Variants in IPCEF1 observed in about 807,000 individuals in gnomAD.
IPCEF1 encodes interactor protein for cytohesin exchange factors 1.
In IPCEF1, 31 loss-of-function variants were observed where a neutral mutation model predicts 50.9. That is an observed-to-expected ratio of 0.61 (90% CI 0.46 to 0.82). The LOEUF is 0.82. IPCEF1 is among the 40% of genes least tolerant of loss of function. The pLI is 0.00. For missense variants in IPCEF1, 458 were observed against 514.0 expected (o/e 0.89, Z 1.05); for synonymous variants, 181 against 192.0 (o/e 0.94, Z 0.47).
chr6:154,260,142 C>T (rs1362633069), intron 3 of IPCEF1, among the ~76,000 whole-genome samples: 1 of 152,134 alleles, frequency 6.6e-6, no homozygotes, highest in Non-Finnish European at 1.5e-5. Flanking sequence ...GTGAAGTAAA[C>T]ACAGCAAGTA....
intron 10 of IPCEF1, among the ~76,000 whole-genome samples, chr6:154,184,754 C>T (rs7767434): frequency 0.55 from 82,484 of 149,764 alleles, 23,770 homozygotes; most frequent in African/African-American, 0.73. Flanking sequence ...TAAAGGAAAT[C>T]TTTATTTTTT....
At chr6:154,328,442 G>C (rs555842003) in intron 1 of IPCEF1, among the ~76,000 whole-genome samples, 2 of 152,000 alleles carry the variant, frequency 1.3e-5, no homozygotes, top group Admixed American at 1.3e-4. Flanking sequence ...GCAGCCCTAA[G>C]AAGTTCTTCA....
intron 1 of IPCEF1, among the ~76,000 whole-genome samples, chr6:154,348,572 G>A (rs954046599): frequency 6.6e-6 from 1 of 152,186 alleles, no homozygotes; most frequent in African/African-American, 2.4e-5. Flanking sequence ...TCGTAAGTGG[G>A]TCCTTATCAT....
At chr6:154,172,723 G>T (rs552341553) in intron 10 of IPCEF1, among the ~76,000 whole-genome samples, 1 of 152,362 alleles carries the variant, frequency 6.6e-6, no homozygotes, top group Admixed American at 6.5e-5. Flanking sequence ...TCCACCTCTG[G>T]GGGCAGGGCA....
At chr6:154,275,167 A>T (rs1782024224) in intron 2 of IPCEF1, among the ~76,000 whole-genome samples, 1 of 152,204 alleles carries the variant, frequency 6.6e-6, no homozygotes, top group Non-Finnish European at 1.5e-5. Flanking sequence ...TCTAGGAGCC[A>T]GTTACTCTAA....
At chr6:154,178,518 C>A (rs1800552792) in intron 10 of IPCEF1, among the ~76,000 whole-genome samples, 1 of 152,144 alleles carries the variant, frequency 6.6e-6, no homozygotes, top group Middle Eastern at 3.4e-3. Context: ...TCTTCCATTT[C>A]TTTTTCTAAC....
rs74626934 is a variant in IPCEF1 at position 154,187,562 on chromosome 6, T to A, written c.910+12106A>T. 3.9e-3 allele frequency among the ~76,000 whole-genome samples: 593 copies of A among 152,328 alleles called. 6 individuals carry two copies. Among genetic ancestry groups the A allele is most frequent in the African/African-American group, 0.012 (514 of 41,548 alleles). On this transcript the variant is annotated intron_variant, in intron 10 of 11. Transcript: ENST00000367220. ...CATTAGGTGGGTGACCTGTACTACC[T>A]CACCAGTAGTTATTGAAAAACATGT...
rs907297711 is a variant in IPCEF1, at chr6:154,313,875, C to G, written c.-61-24119G>C. ...CCTCCCTTCTCAGCCTCCCAAGTAGCTGAGACTACAGGTGTGTGCCACCAC... is the reference window on the plus strand; with the variant it reads ...CCTCCCTTCTCAGCCTCCCAAGTAGGTGAGACTACAGGTGTGTGCCACCAC... On this transcript the variant is annotated intron_variant, in intron 1 of 11. Transcript: ENST00000367220. Among the ~76,000 whole-genome samples the G allele has an allele frequency of 2.0e-5, 3 of 152,078 alleles. No individual in the cohort carries two copies. In the South Asian group the frequency reaches 6.2e-4, roughly 32 times the overall value.
chr6:154,261,244 C>T lies in IPCEF1; in HGVS notation c.36+4668G>A, dbSNP rs141587100. The stretch of plus-strand genomic sequence containing the variant: ...TCTCCCTATGTTGCCCAGGGCTGGT[C>T]TCGAACTCCTGGCCTCAAGTGATCT... On this transcript the variant is annotated intron_variant, in intron 3 of 11. Transcript: ENST00000367220. 9.0e-3 allele frequency among the ~76,000 whole-genome samples: 1,376 copies of T among 152,136 alleles called. 9 individuals carry two copies. The highest frequency in any genetic ancestry group is 0.015 in the Non-Finnish European group (998 of 67,984).
intron 10 of IPCEF1, among the ~76,000 whole-genome samples, chr6:154,172,651 C>T (rs1470039555): frequency 6.6e-6 from 1 of 152,226 alleles, no homozygotes; most frequent in Admixed American, 6.5e-5. Flanking sequence ...AACAAAGCAG[C>T]AGGGAAGCTC....
At chr6:154,343,944 G>A (rs1265368069) in intron 1 of IPCEF1, among the ~76,000 whole-genome samples, 2 of 152,142 alleles carry the variant, frequency 1.3e-5, no homozygotes, top group African/African-American at 2.4e-5. Flanking sequence ...ATATCCCCAC[G>A]TGTGTAGAAC....
chr6:154,296,008 A>G (rs1475439652), intron 1 of IPCEF1, among the ~76,000 whole-genome samples: 1 of 152,222 alleles, frequency 6.6e-6, no homozygotes, highest in Non-Finnish European at 1.5e-5. Context: ...GACACTGTTC[A>G]AAATATTAGT....
chr6:154,169,818 G>A (rs548008532), intron 10 of IPCEF1, among the ~76,000 whole-genome samples: 6 of 152,318 alleles, frequency 3.9e-5, no homozygotes, highest in African/African-American at 1.2e-4. Flanking sequence ...ATAAACATGT[G>A]CCTCTGGTCA....
chr6:154,345,366 ATCTT>A (rs1421675651), intron 1 of IPCEF1, among the ~76,000 whole-genome samples: 1 of 152,258 alleles, frequency 6.6e-6, no homozygotes, highest in African/African-American at 2.4e-5. Flanking sequence ...TTAAGACATT[ATCTT>A]TCTTACAGTC....
intron 10 of IPCEF1, among the ~76,000 whole-genome samples, chr6:154,186,696 A>G (rs9371332): frequency 0.055 from 8,421 of 151,984 alleles, 338 homozygotes; most frequent in South Asian, 0.19. Flanking sequence ...AGCTGGGACT[A>G]CAGGCGCCCG....
At chr6:154,205,855 T>C (rs184424967) in intron 9 of IPCEF1, among the ~76,000 whole-genome samples, 62 of 151,996 alleles carry the variant, frequency 4.1e-4, no homozygotes, top group Non-Finnish European at 7.4e-5. Context: ...AAGTTTTGTA[T>C]CTCCATGCTT....
intron 9 of IPCEF1, among the ~76,000 whole-genome samples, chr6:154,210,170 G>C (rs1001058529): frequency 2.0e-5 from 3 of 152,306 alleles, no homozygotes; most frequent in East Asian, 3.9e-4. Flanking sequence ...GGCCCTCCAT[G>C]ATATGGCTAC....
intron 1 of IPCEF1, among the ~76,000 whole-genome samples, chr6:154,293,870 G>T (rs1782572718): frequency 6.6e-6 from 1 of 152,190 alleles, no homozygotes; most frequent in Non-Finnish European, 1.5e-5. Flanking sequence ...ACAGGGAGCA[G>T]CAAGAAATGT....
chr6:154,311,122 T>C (rs548496294), intron 1 of IPCEF1, among the ~76,000 whole-genome samples: 1 of 152,306 alleles, frequency 6.6e-6, no homozygotes, highest in East Asian at 1.9e-4. Context: ...AACCCATAAA[T>C]ATGCACAATT....
Sources: allele counts gnomAD v4.1 joint callset (sites outside exome capture counted in the v4.1 genomes callset), GRCh38; gene constraint gnomAD v4.1.1; transcripts MANE v1.5; gene names NCBI Gene and HGNC (gene_info 2026-07-23, HGNC 2026-07-21).